Variants in CHCHD6 observed in about 807,000 individuals in gnomAD.
CHCHD6 encodes coiled-coil-helix-coiled-coil-helix domain containing 6.
A neutral mutation model predicts 32.3 loss-of-function variants in CHCHD6; 28 were observed. That is an observed-to-expected ratio of 0.87 (90% confidence interval 0.64 to 1.19). The LOEUF (loss-of-function observed/expected upper bound fraction) is 1.19, where lower values mean the gene tolerates loss of function less well. Among genes scored for constraint, CHCHD6 ranks in the 50% most tolerant of loss-of-function variants. The pLI, the probability that CHCHD6 is intolerant of heterozygous loss-of-function variation, is 0.00. For missense variants in CHCHD6, 333 were observed against 307.0 expected, an observed-to-expected ratio of 1.08 and a Z score of -0.63; for synonymous variants, 122 against 117.5, an observed-to-expected ratio of 1.04 and a Z score of -0.25.
chr3:126,704,418 G>T lies in CHCHD6; in HGVS notation c.87+19G>T. 6.7e-7 allele frequency: 1 copy of T among 1,495,712 alleles called. No individual in the cohort carries two copies. The highest frequency in any genetic ancestry group is 8.9e-7 in the Non-Finnish European group (1 of 1,122,946). The allele number at this position is 1,495,712 out of a possible 1,614,324, so 92.7% of individuals were successfully genotyped here. A position where few individuals can be genotyped will look rare whatever the true frequency, so the allele number is the denominator to read the frequency against. ...TGTCCGGGTGAGCGGCGCCGCCTGG[G>T]CCGGGGCGGGCGTGGAGGCCGCGGG... On this transcript the variant is annotated intron_variant, in intron 1 of 7. Coordinates refer to ENST00000290913, the MANE Select transcript of CHCHD6 (RefSeq NM_032343.3).
intron 1 of CHCHD6, among the ~76,000 whole-genome samples, chr3:126,722,154 A>G (rs1935330761): frequency 2.0e-5 from 3 of 152,154 alleles, no homozygotes; most frequent in Non-Finnish European, 2.9e-5. Context: ...ATTTGACTTT[A>G]AAAATTTATT....
At chr3:126,839,888 C>A (rs891623349) in intron 4 of CHCHD6, among the ~76,000 whole-genome samples, 8 of 152,100 alleles carry the variant, frequency 5.3e-5, no homozygotes, top group African/African-American at 1.7e-4. Flanking sequence ...GCAGCCATTG[C>A]CACAATTTAA....
intron 5 of CHCHD6, among the ~76,000 whole-genome samples, chr3:126,895,300 C>T (rs1191503931): frequency 6.6e-6 from 1 of 152,178 alleles, no homozygotes; most frequent in Non-Finnish European, 1.5e-5. Flanking sequence ...GAAAGGATTC[C>T]TCTGAGAGCT....
intron 4 of CHCHD6, among the ~76,000 whole-genome samples, chr3:126,752,866 G>T (rs1165382351): frequency 6.6e-6 from 1 of 152,192 alleles, no homozygotes; most frequent in Non-Finnish European, 1.5e-5. Flanking sequence ...TGAGGAAGGA[G>T]AAATATTGGG....
At chr3:126,747,001 G>A (rs745357585) in intron 4 of CHCHD6, among the ~76,000 whole-genome samples, 1 of 152,196 alleles carries the variant, frequency 6.6e-6, no homozygotes, top group Non-Finnish European at 1.5e-5. Flanking sequence ...GAGTACTGGG[G>A]GAGCCTCTCC....
intron 4 of CHCHD6, among the ~76,000 whole-genome samples, chr3:126,755,228 C>T (rs896047770): frequency 1.3e-5 from 2 of 152,140 alleles, no homozygotes; most frequent in African/African-American, 4.8e-5. Context: ...TGTCTTCAGT[C>T]GGGAGGAGAG....
chr3:126,917,599 G>T (rs1212041658), intron 6 of CHCHD6, among the ~76,000 whole-genome samples: 1 of 152,184 alleles, frequency 6.6e-6, no homozygotes, highest in East Asian at 1.9e-4. Context: ...GTAGACCTAG[G>T]ATGTCAACAA....
At chr3:126,840,572 A>AT (rs1288856718) in intron 4 of CHCHD6, among the ~76,000 whole-genome samples, 2 of 152,322 alleles carry the variant, frequency 1.3e-5, no homozygotes, top group East Asian at 1.9e-4. Context: ...AGATTAGCCC[A>AT]TATCATCTCA....
intron 5 of CHCHD6, among the ~76,000 whole-genome samples, chr3:126,873,049 C>G (rs2077496993): frequency 1.3e-5 from 2 of 152,214 alleles, no homozygotes; most frequent in Non-Finnish European, 1.5e-5. Flanking sequence ...CTTCCTTGAA[C>G]ACGGCTGGTC....
chr3:126,727,429 T>C (rs1242606816), intron 2 of CHCHD6, among the ~76,000 whole-genome samples: 1 of 152,174 alleles, frequency 6.6e-6, no homozygotes, highest in East Asian at 1.9e-4. Context: ...CATGTGGGAA[T>C]TGAGGCAGAA....
chr3:126,846,218 C>T (rs1941290756), intron 4 of CHCHD6, among the ~76,000 whole-genome samples: 1 of 152,160 alleles, frequency 6.6e-6, no homozygotes, highest in South Asian at 2.1e-4. Flanking sequence ...ATAAGGCCGT[C>T]TTTATACAAC....
intron 4 of CHCHD6, among the ~76,000 whole-genome samples, chr3:126,815,388 A>G (rs1187700134): frequency 6.6e-6 from 1 of 152,124 alleles, no homozygotes; most frequent in Admixed American, 6.5e-5. Context: ...ACACCGCAGC[A>G]TGGTCGCACA....
chr3:126,841,752 AT>A (rs926383694), intron 4 of CHCHD6, among the ~76,000 whole-genome samples: 17 of 149,398 alleles, frequency 1.1e-4, no homozygotes, highest in Admixed American at 4.7e-4. Flanking sequence ...AAAAAAAAAA[AT>A]TTTTTTTTTT....
chr3:126,875,670 A>G (rs1241009704), intron 5 of CHCHD6, among the ~76,000 whole-genome samples: 2 of 152,242 alleles, frequency 1.3e-5, no homozygotes, highest in African/African-American at 2.4e-5. Context: ...GAGGTGCGTC[A>G]GTGTCCTTAG....
intron 4 of CHCHD6, chr3:126,767,534 C>G: frequency 2.1e-6 from 1 of 475,546 alleles, no homozygotes; most frequent in Non-Finnish European, 3.9e-6. Flanking sequence ...ATGATTTTCC[C>G]ACCAGGCACC....
At chr3:126,807,162 A>G (rs1031797407) in intron 4 of CHCHD6, among the ~76,000 whole-genome samples, 4 of 151,794 alleles carry the variant, frequency 2.6e-5, no homozygotes, top group African/African-American at 9.7e-5. Flanking sequence ...ACTAACCTTC[A>G]CATTGTGCAC....
intron 4 of CHCHD6, among the ~76,000 whole-genome samples, chr3:126,771,762 G>A (rs1311448668): frequency 6.6e-6 from 1 of 152,182 alleles, no homozygotes; most frequent in Non-Finnish European, 1.5e-5. Flanking sequence ...AGTTTTTGAT[G>A]TGGGTATCTA....
chr3:126,803,462 CAAAG>C (rs1407249861), intron 4 of CHCHD6, among the ~76,000 whole-genome samples: 4 of 152,054 alleles, frequency 2.6e-5, no homozygotes, highest in Admixed American at 6.6e-5. Context: ...TCAAAAGAGA[CAAAG>C]AAGGCCATTA....
intron 4 of CHCHD6, among the ~76,000 whole-genome samples, chr3:126,851,154 T>C (rs1941461301): frequency 6.6e-6 from 1 of 152,228 alleles, no homozygotes; most frequent in Non-Finnish European, 1.5e-5. Context: ...CCCACTGGCC[T>C]GGTGTGGCCC....
Sources: gnomAD v4.1 joint callset for allele counts (sites outside exome capture counted in the v4.1 genomes callset) on GRCh38, gnomAD v4.1.1 for gene constraint, MANE v1.5 for transcripts, NCBI Gene and HGNC (gene_info 2026-07-23, HGNC 2026-07-21) for gene names.